KIF15: variants seen among roughly 807,000 people sequenced by gnomAD.
KIF15 encodes the protein kinesin-like protein KIF15.
A neutral mutation model predicts 190.6 loss-of-function variants in KIF15; 140 were observed. The observed-to-expected ratio is 0.73, with a 90% CI of 0.64 to 0.84. The LOEUF (loss-of-function observed/expected upper bound fraction) is 0.84, where lower values mean the gene tolerates loss of function less well. KIF15 is among the 40% of genes least tolerant of loss of function. The pLI is 0.00. For missense variants in KIF15, 1,372 were observed against 1,584.4 expected (o/e 0.87, Z 2.28); for synonymous variants, 528 against 551.3 (o/e 0.96, Z 0.59).
At chr3:44,826,541 C>A (rs1697664336) in intron 22 of KIF15, 81 bp downstream of exon 22, 2 of 932,342 alleles carry the variant, frequency 2.1e-6, no homozygotes, top group Non-Finnish European at 1.6e-6. Flanking sequence ...TTTTTTATTG[C>A]CAATACCCTG....
At chr3:44,864,475 C>T (rs1360402401) in intron 6 of KIF15, 7 of 1,042,408 alleles carry the variant, frequency 6.7e-6, no homozygotes, top group African/African-American at 1.6e-5. Context: ...TGGCTTGACC[C>T]CTGGATGAGT....
At position 44,806,874 on chromosome 3, in the gene KIF15, T is replaced by C. The variant is rs188393546; in HGVS notation, c.1971+888T>C. On this transcript the variant is annotated intron_variant, in intron 16 of 34. Coordinates refer to ENST00000326047, the MANE Select transcript of KIF15 (RefSeq NM_020242.3). The stretch of plus-strand genomic sequence containing the variant: ...GATTCTCCTGCCTCAGCCTCCCGAG[T>C]AGCTGGGATTACAGGCGCCTGCCAC... 9.5e-3 allele frequency among the ~76,000 whole-genome samples: 1,449 copies of C among 151,912 alleles called. 23 individuals carry two copies. The highest frequency in any genetic ancestry group is 0.033 in the African/African-American group (1,365 of 41,404).
intron 4 of KIF15, 38 bp from the exon 5 acceptor site, chr3:44,780,839 CTTTTAATT>C: frequency 7.5e-7 from 1 of 1,341,524 alleles, no homozygotes; most frequent in Non-Finnish European, 1.0e-6. Context: ...GAGGAGTAGT[CTTTTAATT>C]TTATGTGTAA....
chr3:44,856,942 TGA>T (rs1329672023), downstream of KIF15, among the ~76,000 whole-genome samples: 1 of 152,140 alleles, frequency 6.6e-6, no homozygotes, highest in Non-Finnish European at 1.5e-5. Context: ...TTCGGCTTGC[TGA>T]GAGGTAGTGG....
chr3:44,808,329 G>A (rs1223038136), intron 16 of KIF15, among the ~76,000 whole-genome samples: 2 of 152,128 alleles, frequency 1.3e-5, no homozygotes, highest in Admixed American at 1.3e-4. Context: ...TGCCAGGAGG[G>A]GCATAGCAAT....
intron 26 of KIF15, among the ~76,000 whole-genome samples, chr3:44,832,784 G>A (rs1698131619): frequency 6.6e-6 from 1 of 152,062 alleles, no homozygotes; most frequent in South Asian, 2.1e-4. Context: ...GGAGGCCGAG[G>A]CGGGTGGATC....
chr3:44,811,899 G>A (rs1193778519), intron 17 of KIF15, among the ~76,000 whole-genome samples: 1 of 152,142 alleles, frequency 6.6e-6, no homozygotes, highest in Non-Finnish European at 1.5e-5. Context: ...AGATGGCTCT[G>A]TCATGTAATC....
intron 6 of KIF15, chr3:44,862,149 G>T: frequency 9.4e-7 from 1 of 1,062,192 alleles, no homozygotes; most frequent in Non-Finnish European, 1.2e-6. Context: ...TGCTGCTGCT[G>T]CGGGCGGGCG....
In KIF15 at chr3:44,818,679, A is replaced by G. The variant is rs538498790; in HGVS notation, c.2549+3603A>G. Among the ~76,000 whole-genome samples the G allele has an allele frequency of 4.6e-5, 7 of 152,356 alleles. No homozygotes were observed. The South Asian group carries it at 1.5e-3, about 32-fold the overall frequency. ...ATTGAGGATTTTTGCATCGATGTTC[A>G]TCAGAAATATTGATCTAAAATTCTC... On this transcript the variant is annotated intron_variant, in intron 20 of 34. Transcript: ENST00000326047.
intron 6 of KIF15, chr3:44,862,981 C>G (rs1699275598): frequency 6.6e-6 from 1 of 152,122 alleles, no homozygotes; most frequent in South Asian, 2.1e-4. Flanking sequence ...ACTAGACCTT[C>G]ATAACCCTTT....
downstream of KIF15, among the ~76,000 whole-genome samples, chr3:44,854,369 A>T (rs142762053): frequency 2.7e-5 from 4 of 147,958 alleles, no homozygotes; most frequent in African/African-American, 1.0e-4. Flanking sequence ...TGGGCAACAG[A>T]GTGAAAAAAA....
At position 44,810,884 on chromosome 3, in the gene KIF15, C is replaced by T. The variant is rs374785012; in HGVS notation, c.2010C>T (p.Ser670=). Reference sequence around the variant, plus strand: ...CAACCAAGGCCTACCAACTTCATTCCCGACCAGTACCAAAATTAAGCCCTG... The same window carrying T: ...CAACCAAGGCCTACCAACTTCATTCTCGACCAGTACCAAAATTAAGCCCTG... The part of the protein sequence containing the change: ...TTPTKAYQLH[S]RPVPKLSPEM... Residue 670 remains serine (S), a synonymous_variant, in exon 17 of 35, where the codon TCC becomes TCT. Coordinates refer to ENST00000326047, the MANE Select transcript of KIF15 (RefSeq NM_020242.3). The T allele has an allele frequency of 6.2e-7, 1 of 1,613,740 alleles. No homozygotes were observed. The highest frequency in any genetic ancestry group is 1.3e-5 in the African/African-American group (1 of 74,852).
At position 44,846,760 on chromosome 3, in the gene KIF15, G is replaced by A. The variant is rs1698865266; in HGVS notation, c.3696-1225G>A. ...TTGCATTCCAGCCTGGGACAGAGTA[G>A]GACTCTGTCTCAAAAAAAAAAAAAA... On this transcript the variant is annotated intron_variant, in intron 30 of 34. Coordinates refer to ENST00000326047, the MANE Select transcript of KIF15 (RefSeq NM_020242.3). 7.0e-5 allele frequency among the ~76,000 whole-genome samples: 10 copies of A among 142,570 alleles called. No homozygotes were observed. In the Admixed American group the frequency reaches 7.2e-4, roughly 10 times the overall value. 93.5% of individuals were successfully genotyped at this position (142,570 alleles called of 152,430 possible). A position where few individuals can be genotyped will look rare whatever the true frequency, so the allele number is the denominator to read the frequency against.
chr3:44,793,978 T>TAC (rs1706846112), intron 7 of KIF15, among the ~76,000 whole-genome samples: 1 of 151,426 alleles, frequency 6.6e-6, no homozygotes, highest in African/African-American at 2.4e-5. Flanking sequence ...ATTCCTGGGC[T>TAC]CAAGAGATCT....
At chr3:44,805,395 T>C (rs544055042) in intron 15 of KIF15, among the ~76,000 whole-genome samples, 2 of 152,334 alleles carry the variant, frequency 1.3e-5, no homozygotes, top group South Asian at 2.1e-4. Flanking sequence ...TGAGAGTCTA[T>C]TGAACTTGCA....
At chr3:44,770,797 T>C (rs1245255742) in intron 1 of KIF15, among the ~76,000 whole-genome samples, 1 of 152,222 alleles carries the variant, frequency 6.6e-6, no homozygotes, top group Non-Finnish European at 1.5e-5. Flanking sequence ...CCAAATTTTG[T>C]TCACAGGAGT....
intron 6 of KIF15, 130 bp downstream of exon 6, chr3:44,785,072 T>A: frequency 2.0e-6 from 1 of 500,302 alleles, no homozygotes; most frequent in Non-Finnish European, 3.5e-6. Context: ...TAGCGTGGCA[T>A]AAAAAAAAAC....
At chr3:44,818,456 C>T (rs1388815907) in intron 20 of KIF15, among the ~76,000 whole-genome samples, 1 of 152,066 alleles carries the variant, frequency 6.6e-6, no homozygotes, top group Admixed American at 6.5e-5. Context: ...GCATGAAGTG[C>T]TGTTGAATTT....
chr3:44,792,736 C>T (rs141798836), intron 7 of KIF15, among the ~76,000 whole-genome samples: 132 of 151,938 alleles, frequency 8.7e-4, no homozygotes, highest in African/African-American at 3.0e-3. Context: ...TTAGCGGAGA[C>T]GGGGTTTCAC....
Sources: gnomAD v4.1 joint callset for allele counts (sites outside exome capture counted in the v4.1 genomes callset) on GRCh38, gnomAD v4.1.1 for gene constraint, MANE v1.5 for transcripts, NCBI Gene and HGNC (gene_info 2026-07-23, HGNC 2026-07-21) for gene names.